Variants in STAB2 observed in about 807,000 individuals in gnomAD.
STAB2 encodes the protein stabilin-2.
STAB2 carries 288 observed loss-of-function variants against 338.1 expected under a neutral mutation model. That is an observed-to-expected ratio of 0.85 (90% CI 0.77 to 0.94). The LOEUF is 0.94. Among genes scored for constraint, STAB2 ranks in the 40% least tolerant of loss-of-function variants. The pLI is 0.00. For missense variants in STAB2, 3,141 were observed against 3,210.1 expected (o/e 0.98, Z 0.52); for synonymous variants, 1,202 against 1,193.3 (o/e 1.01, Z -0.15).
intron 44 of STAB2, among the ~76,000 whole-genome samples, chr12:103,724,088 A>C (rs1005902465): frequency 1.3e-5 from 2 of 152,172 alleles, no homozygotes; most frequent in African/African-American, 4.8e-5. Flanking sequence ...TGATCCAGGC[A>C]ACACCATTAG....
intron 33 of STAB2, among the ~76,000 whole-genome samples, 165 bp downstream of exon 33, chr12:103,696,009 G>A (rs187245953): frequency 1.1e-4 from 16 of 152,196 alleles, no homozygotes; most frequent in Admixed American, 3.9e-4. Flanking sequence ...ACATCCCCTC[G>A]GTCAGAGCTG....
At chr12:103,600,049 A>G (rs1371631945) in intron 3 of STAB2, among the ~76,000 whole-genome samples, 1 of 152,260 alleles carries the variant, frequency 6.6e-6, no homozygotes, top group Non-Finnish European at 1.5e-5. Flanking sequence ...ATTCTTACCT[A>G]TAATCTGAGT....
chr12:103,607,706 G>A (rs569369617), intron 3 of STAB2, among the ~76,000 whole-genome samples: 235 of 152,272 alleles, frequency 1.5e-3, no homozygotes, highest in African/African-American at 5.4e-3. Context: ...TCCCTACAAA[G>A]GACATGAACT....
At chr12:103,600,801 T>C (rs929862576) in intron 3 of STAB2, among the ~76,000 whole-genome samples, 3 of 77,694 alleles carry the variant, frequency 3.9e-5, no homozygotes. Flanking sequence ...CCAGCCAGCA[T>C]ATGCCTTCAC....
chr12:103,594,420 T>A lies in STAB2; in HGVS notation c.241T>A (p.Ser81Thr), dbSNP rs1956845454. 1 of 1,613,798 alleles carries A rather than the reference T, an allele frequency of 6.2e-7. No homozygotes were observed. The part of the protein sequence containing the change: ...CRYTFEVRTY[S>T]LSLPGCRHIC... ...GTACACCTTTGAGGTCAGAACATAC[T>A]CTCTGTCTCTCCCCGGATGCCGCCA... Residue 81 changes from serine (S) to threonine (T), a missense_variant, in exon 3 of 69, where the codon TCT becomes ACT. By Grantham distance (58) the Ser-to-Thr change is moderately conservative. Coordinates refer to ENST00000388887, the MANE Select transcript of STAB2 (RefSeq NM_017564.10).
chr12:103,739,458 G>A lies in STAB2; in HGVS notation c.5744G>A (p.Ser1915Asn). ...AATACTCCCAGCTGCCCAAGGTGGA[G>A]TAAACCAAAGGTAATTAAGACTGCA... The part of the protein sequence containing the change: ...CVNTPSCPRW[S>N]KPKGVKQKCL... Residue 1915 changes from serine (S) to asparagine (N), a missense_variant, in exon 54 of 69, where the codon AGT becomes AAT. Physicochemically the swap from Ser to Asn is conservative, Grantham distance 46. Coordinates refer to ENST00000388887, the MANE Select transcript of STAB2 (RefSeq NM_017564.10). 4 of 1,592,934 alleles carry A rather than the reference G, an allele frequency of 2.5e-6. No homozygotes were observed. Among genetic ancestry groups the A allele is most frequent in the Non-Finnish European group, 3.4e-6 (4 of 1,169,654 alleles).
intron 6 of STAB2, among the ~76,000 whole-genome samples, chr12:103,632,083 T>C (rs1426160760): frequency 6.6e-6 from 1 of 152,054 alleles, no homozygotes; most frequent in Non-Finnish European, 1.5e-5. Flanking sequence ...CGGAACACAT[T>C]AACAGCCCTA....
rs755026780 is a variant in STAB2, at chr12:103,620,541, C to T, written c.405C>T (p.Thr135=). 7 of 1,567,136 alleles carry T rather than the reference C, an allele frequency of 4.5e-6. No individual in the cohort carries two copies. The highest frequency in any genetic ancestry group is 6.1e-6 in the Non-Finnish European group (7 of 1,154,714). The change falls in exon 4 of 69, where the codon ACC becomes ACT. Residue 135 remains threonine (T), a synonymous_variant. Transcript: ENST00000388887. ...SCAEGMEGNG[T]CSCQEGFGGT... ...CTGAAGGCATGGAAGGAAATGGAAC[C>T]TGCTCCTGCCAAGTAAGTTCAAAAA...
chr12:103,642,444 A>G (rs1872992855), intron 9 of STAB2, among the ~76,000 whole-genome samples: 2 of 151,740 alleles, frequency 1.3e-5, no homozygotes, highest in South Asian at 2.1e-4. Flanking sequence ...AATGCTAGTG[A>G]CATTGATGAT....
chr12:103,690,070 G>A, intron 29 of STAB2, 88 bp downstream of exon 29: 4 of 1,518,816 alleles, frequency 2.6e-6, no homozygotes, highest in Non-Finnish European at 3.6e-6. Context: ...AAACCACATG[G>A]TCCTTCAAAT....
chr12:103,700,127 G>T (rs752901094), intron 34 of STAB2, among the ~76,000 whole-genome samples: 1 of 152,098 alleles, frequency 6.6e-6, no homozygotes, highest in Non-Finnish European at 1.5e-5. Flanking sequence ...ATATTTAAAC[G>T]TGTTTACAAT....
At chr12:103,614,396 G>A (rs1010259978) in intron 3 of STAB2, among the ~76,000 whole-genome samples, 2 of 152,134 alleles carry the variant, frequency 1.3e-5, no homozygotes, top group Non-Finnish European at 2.9e-5. Context: ...ATACCTGGTG[G>A]TACAATTTAG....
chr12:103,660,290 A>G (rs778982141), intron 15 of STAB2, 41 bp from the exon 16 acceptor site: 1 of 1,602,104 alleles, frequency 6.2e-7, no homozygotes, highest in Non-Finnish European at 8.6e-7. Context: ...GAAGTGTTGC[A>G]TTTTCTTCTT....
Position 103,703,073 on chromosome 12 carries a change from C to A in STAB2, c.3715-75C>A, listed in dbSNP as rs1879043941. On this transcript the variant is annotated intron_variant, in intron 34 of 68. Coordinates refer to ENST00000388887, the MANE Select transcript of STAB2 (RefSeq NM_017564.10). ...TATCTCCTAGGCAATTGTCCTATTG[C>A]TAACCTCCACTTCCTATCTTTTCCA... The A allele has an allele frequency of 5.3e-6, 8 of 1,514,080 alleles. No individual in the cohort carries two copies. In the African/African-American group the frequency reaches 5.6e-5, roughly 11 times the overall value. 93.8% of individuals were successfully genotyped at this position (1,514,080 alleles called of 1,614,324 possible). A position where few individuals can be genotyped will look rare whatever the true frequency, so the allele number is the denominator to read the frequency against.
At chr12:103,739,715 C>T (rs1446224436) in intron 54 of STAB2, among the ~76,000 whole-genome samples, 2 of 152,104 alleles carry the variant, frequency 1.3e-5, no homozygotes, top group African/African-American at 4.8e-5. Flanking sequence ...GGATGGTAGA[C>T]CTAGAAGGAC....
At chr12:103,716,766 A>G (rs56008435) in intron 43 of STAB2, among the ~76,000 whole-genome samples, 5,008 of 152,278 alleles carry the variant, frequency 0.033, 149 homozygotes, top group Admixed American at 0.085. Context: ...TTTTTATTTC[A>G]AACTACATAT....
chr12:103,759,409 C>A, intron 65 of STAB2, 136 bp downstream of exon 65: 1 of 1,288,930 alleles, frequency 7.8e-7, no homozygotes, highest in Non-Finnish European at 1.0e-6. Flanking sequence ...ACGGTGTTAA[C>A]TGCCCACTAC....
At chr12:103,608,114 G>C (rs1565957372) in intron 3 of STAB2, among the ~76,000 whole-genome samples, 2 of 152,144 alleles carry the variant, frequency 1.3e-5, no homozygotes, top group African/African-American at 2.4e-5. Context: ...TTGTGGTTTT[G>C]ATTTGCATTT....
At chr12:103,756,514 C>A (rs1301708285) in intron 63 of STAB2, among the ~76,000 whole-genome samples, 2 of 152,198 alleles carry the variant, frequency 1.3e-5, no homozygotes, top group African/African-American at 4.8e-5. Context: ...CCTCCTGCAA[C>A]TGTATAAGGC....
Sources: allele counts gnomAD v4.1 joint callset (sites outside exome capture counted in the v4.1 genomes callset), GRCh38; gene constraint gnomAD v4.1.1; transcripts MANE v1.5; gene names NCBI Gene and HGNC (gene_info 2026-07-23, HGNC 2026-07-21).